CMSS1: variants seen among roughly 807,000 people sequenced by gnomAD.
CMSS1 encodes the protein protein CMSS1.
CMSS1 carries 33 observed loss-of-function variants against 43.5 expected under a neutral mutation model. The observed-to-expected ratio is 0.76, with a 90% CI of 0.57 to 1.01. CMSS1 has a LOEUF of 1.01. Ranked by LOEUF, CMSS1 falls within the 50% of genes least tolerant of loss-of-function variation. The pLI is 0.00. For missense variants in CMSS1, 313 were observed against 326.4 expected (o/e 0.96, Z 0.32); for synonymous variants, 115 against 117.2 (o/e 0.98, Z 0.12).
intron 1 of CMSS1, among the ~76,000 whole-genome samples, chr3:99,917,343 G>T (rs188082270): frequency 1.3e-4 from 20 of 152,202 alleles, no homozygotes; most frequent in African/African-American, 4.6e-4. Context: ...CTGTATTTTA[G>T]TTGTGTGTAA....
chr3:99,946,407 T>G (rs1329312649), intron 1 of CMSS1, among the ~76,000 whole-genome samples: 1 of 152,224 alleles, frequency 6.6e-6, no homozygotes, highest in Non-Finnish European at 1.5e-5. Context: ...GTAAGCAGTA[T>G]CCAAAGGTCT....
At chr3:100,029,256 AT>A (rs1443034757) in intron 1 of CMSS1, among the ~76,000 whole-genome samples, 2 of 151,868 alleles carry the variant, frequency 1.3e-5, no homozygotes, top group Admixed American at 1.3e-4. Flanking sequence ...AAATATTAAA[AT>A]TAATTTTAAA....
intron 1 of CMSS1, 120 bp from the exon 2 acceptor site, chr3:100,146,853 A>C: frequency 1.6e-6 from 2 of 1,257,448 alleles, no homozygotes; most frequent in South Asian, 3.5e-5. Context: ...CCTTAAGTGC[A>C]GCTTCTTTGA....
intron 1 of CMSS1, among the ~76,000 whole-genome samples, chr3:100,064,399 T>C (rs1359606392): frequency 1.4e-5 from 2 of 143,482 alleles, no homozygotes; most frequent in Non-Finnish European, 3.1e-5. Flanking sequence ...CCCAACACCC[T>C]TTTTTTTTTT....
chr3:99,874,851 G>T (rs1435870593), intron 1 of CMSS1, among the ~76,000 whole-genome samples: 1 of 152,154 alleles, frequency 6.6e-6, no homozygotes, highest in Non-Finnish European at 1.5e-5. Context: ...CACCTCAGTG[G>T]TTATAGTGCT....
intron 2 of CMSS1, among the ~76,000 whole-genome samples, chr3:100,155,184 T>C (rs1328255051): frequency 6.6e-6 from 1 of 152,156 alleles, no homozygotes; most frequent in Non-Finnish European, 1.5e-5. Context: ...TCCTATTTCC[T>C]CACCAACTGC....
chr3:99,983,440 ATG>A lies in CMSS1; in HGVS notation c.65-163531_65-163530del, dbSNP rs1174472113. Among the ~76,000 whole-genome samples the A allele has an allele frequency of 3.3e-3, 126 of 37,824 alleles. 3 individuals carry two copies. The highest frequency in any genetic ancestry group is 7.0e-3 in the African/African-American group (75 of 10,658). 24.8% of individuals were successfully genotyped at this position (37,824 alleles called of 152,430 possible). Reference sequence around the variant, plus strand: ...TATATGTATGTATGTATGTATATATATGTATGTATATATATATATGTGTGTAT... The same window carrying A: ...TATATGTATGTATGTATGTATATATATATGTATATATATATATGTGTGTAT... On this transcript the variant is annotated intron_variant, in intron 1 of 9. Transcript: ENST00000421999.
At chr3:100,100,693 G>A (rs1264620710) in intron 1 of CMSS1, among the ~76,000 whole-genome samples, 1 of 152,168 alleles carries the variant, frequency 6.6e-6, no homozygotes, top group Admixed American at 6.5e-5. Flanking sequence ...GACCCTTGAG[G>A]CTTACATTTT....
At chr3:99,833,553 T>A (rs1942774614) in intron 1 of CMSS1, among the ~76,000 whole-genome samples, 1 of 152,258 alleles carries the variant, frequency 6.6e-6, no homozygotes, top group Admixed American at 6.5e-5. Flanking sequence ...TCAGCATTTA[T>A]GGAGAAACTA....
chr3:100,006,355 T>C (rs900876922), intron 1 of CMSS1, among the ~76,000 whole-genome samples: 1 of 152,180 alleles, frequency 6.6e-6, no homozygotes, highest in Non-Finnish European at 1.5e-5. Flanking sequence ...AGTGGAATAG[T>C]TAGGTACTTC....
chr3:100,133,497 C>T (rs2066726723), intron 1 of CMSS1, among the ~76,000 whole-genome samples: 1 of 151,818 alleles, frequency 6.6e-6, no homozygotes, highest in Admixed American at 6.6e-5. Flanking sequence ...TAAAAATCTC[C>T]ACAATGAATA....
intron 1 of CMSS1, among the ~76,000 whole-genome samples, chr3:99,922,632 A>T (rs1055139896): frequency 1.3e-5 from 2 of 152,212 alleles, no homozygotes; most frequent in Non-Finnish European, 2.9e-5. Flanking sequence ...AAGTAGTTGA[A>T]TAAGCCATTT....
chr3:100,004,031 G>A lies in CMSS1; in HGVS notation c.65-142942G>A, dbSNP rs866707440. ...GTCTGTTCCCACCTGCCTCTCTCAG[G>A]GTAAGCATCTTGCCTTACTCAGATG... On this transcript the variant is annotated intron_variant, in intron 1 of 9. Coordinates refer to ENST00000421999, the MANE Select transcript of CMSS1 (RefSeq NM_032359.4). 1.9e-4 allele frequency among the ~76,000 whole-genome samples: 29 copies of A among 152,148 alleles called. No individual in the cohort carries two copies. In the Middle Eastern group the frequency reaches 0.01, roughly 54 times the overall value.
chr3:100,000,785 T>C (rs193092030), intron 1 of CMSS1, among the ~76,000 whole-genome samples: 21 of 152,258 alleles, frequency 1.4e-4, no homozygotes, highest in African/African-American at 4.8e-4. Flanking sequence ...TGGTGTTTAT[T>C]GTTTGAAGTG....
intron 1 of CMSS1, among the ~76,000 whole-genome samples, chr3:99,879,598 A>G (rs1181834832): frequency 6.6e-6 from 1 of 152,194 alleles, no homozygotes; most frequent in Non-Finnish European, 1.5e-5. Flanking sequence ...CCAAAGAAGC[A>G]GTAATTAATA....
intron 1 of CMSS1, chr3:100,141,553 GT>G (rs756349916): frequency 5.5e-5 from 25 of 456,136 alleles, no homozygotes; most frequent in Non-Finnish European, 1.1e-4. Context: ...GTCTTCAAGA[GT>G]TTGTGCAAGC....
chr3:99,886,916 GC>G (rs1261631626), intron 1 of CMSS1, among the ~76,000 whole-genome samples: 1 of 150,202 alleles, frequency 6.7e-6, no homozygotes, highest in Non-Finnish European at 1.5e-5. Context: ...GTTGTAGTGA[GC>G]CAAGATCATG....
chr3:99,879,984 A>G (rs994171474), intron 1 of CMSS1, among the ~76,000 whole-genome samples: 1 of 152,130 alleles, frequency 6.6e-6, no homozygotes, highest in Non-Finnish European at 1.5e-5. Flanking sequence ...GCTACCTTCT[A>G]CCACCTTACC....
chr3:100,015,058 T>C (rs985157889), intron 1 of CMSS1, among the ~76,000 whole-genome samples: 1 of 151,862 alleles, frequency 6.6e-6, no homozygotes, highest in Non-Finnish European at 1.5e-5. Flanking sequence ...CTATCTTGAG[T>C]TGAATTTTGT....
Sources: allele counts gnomAD v4.1 joint callset (sites outside exome capture counted in the v4.1 genomes callset), GRCh38; gene constraint gnomAD v4.1.1; transcripts MANE v1.5; gene names NCBI Gene and HGNC (gene_info 2026-07-23, HGNC 2026-07-21).